TDP1: variants seen among roughly 807,000 people sequenced by gnomAD.
The protein encoded by TDP1 is tyr-DNA phosphodiesterase 1.
TDP1 carries 64 observed loss-of-function variants against 81.5 expected under a neutral mutation model. The observed-to-expected ratio is 0.79, with a 90% CI of 0.64 to 0.97. The LOEUF is 0.97. Among genes scored for constraint, TDP1 ranks in the 50% least tolerant of loss-of-function variants. The pLI, the probability that TDP1 is intolerant of heterozygous loss-of-function variation, is 0.00. For synonymous variants in TDP1, 256 were observed against 264.3 expected, an observed-to-expected ratio of 0.97 and a Z score of 0.30; for missense variants, 723 against 743.8, an observed-to-expected ratio of 0.97 and a Z score of 0.33.
chr14:89,977,265 G>A (rs750518814), intron 7 of TDP1, among the ~76,000 whole-genome samples: 30 of 152,164 alleles, frequency 2.0e-4, no homozygotes, highest in Admixed American at 6.6e-5. Flanking sequence ...GATTGAGCTC[G>A]TGTCTTGAAA....
chr14:89,989,775 G>A lies in TDP1; in HGVS notation c.1366+10G>A, dbSNP rs200295380. On this transcript the variant is annotated intron_variant, in intron 12 of 16. Transcript: ENST00000335725. ...TTAGAAGGATATCCTGGTAATTCTT[G>A]GGGAGACTGTCTTGATTGTGTTTTA... 2.5e-4 allele frequency: 397 copies of A among 1,597,860 alleles called. 1 individual carries two copies. In the East Asian group the frequency reaches 8.4e-3, roughly 34 times the overall value.
chr14:89,975,713 A>G (rs1894229138), intron 6 of TDP1, 68 bp from the exon 7 acceptor site: 4 of 1,358,096 alleles, frequency 2.9e-6, no homozygotes, highest in Admixed American at 3.4e-5. Flanking sequence ...TTGCTTTCTA[A>G]TGTAATTTCC....
chr14:89,997,793 T>G (rs1308846305), intron 14 of TDP1, among the ~76,000 whole-genome samples: 2 of 152,186 alleles, frequency 1.3e-5, no homozygotes, highest in African/African-American at 4.8e-5. Flanking sequence ...TAATTTTTCT[T>G]CTACCTAAGA....
rs1256119587 is a variant in TDP1, at chr14:89,957,255, G to A, written c.-8+455G>A. On this transcript the variant is annotated intron_variant, in intron 2 of 16. Coordinates refer to ENST00000335725, the MANE Select transcript of TDP1 (RefSeq NM_018319.4). The stretch of plus-strand genomic sequence containing the variant: ...CTTGGCTATTAAAATTTTTATGTGT[G>A]GGTCTGTCTCTTCTGCCCTGAAATT... 5 of 152,172 alleles carry A rather than the reference G, an allele frequency of 3.3e-5. 1 individual carries two copies. In the South Asian group the frequency reaches 6.2e-4, roughly 19 times the overall value. 9.4% of individuals were successfully genotyped at this position (152,172 alleles called of 1,614,324 possible). A position where few individuals can be genotyped will look rare whatever the true frequency, so the allele number is the denominator to read the frequency against.
In TDP1 at chr14:89,963,293, T is replaced by C. The variant is rs1892549896; in HGVS notation, c.179T>C (p.Ile60Thr). ...CAGAAAGCTGCACACAAGAGGAAAA[T>C]ATCACCTGTGAAATTCAGCAATACA... is the stretch of plus-strand genomic sequence containing the variant. ...EAQKAAHKRKISPVKFSNTDS... is the reference protein window; with the variant it reads ...EAQKAAHKRKTSPVKFSNTDS... The change falls in exon 3 of 17, where the codon ATA (isoleucine) becomes ACA (threonine). Residue 60 changes from isoleucine (I) to threonine (T), a missense_variant. Transcript: ENST00000335725. 1 of 1,613,866 alleles carries C rather than the reference T, an allele frequency of 6.2e-7. No individual in the cohort carries two copies. The highest frequency in any genetic ancestry group is 8.5e-7 in the Non-Finnish European group (1 of 1,180,018).
At chr14:90,022,846 TGA>T (rs1886237275) in intron 15 of TDP1, 3 of 778,602 alleles carry the variant, frequency 3.9e-6, no homozygotes, top group Non-Finnish European at 4.7e-6. Context: ...GTCGTTTCGC[TGA>T]GTTTATACGT....
At chr14:90,039,439 T>C (rs1042665721) in intron 16 of TDP1, among the ~76,000 whole-genome samples, 2 of 152,110 alleles carry the variant, frequency 1.3e-5, no homozygotes, top group African/African-American at 2.4e-5. Context: ...TTATTCCTGG[T>C]ATAAGAATTA....
intron 4 of TDP1, 52 bp downstream of exon 4, chr14:89,966,242 T>A: frequency 8.6e-7 from 1 of 1,163,480 alleles, no homozygotes; most frequent in Non-Finnish European, 1.3e-6. Context: ...GACAGGTAAT[T>A]AAACAACTCC....
At chr14:90,026,575 A>AG (rs1886681791) in intron 15 of TDP1, among the ~76,000 whole-genome samples, 1 of 152,084 alleles carries the variant, frequency 6.6e-6, no homozygotes, top group African/African-American at 2.4e-5. Flanking sequence ...CTCATCATTT[A>AG]CATTAGGTAT....
intron 11 of TDP1, chr14:89,989,495 G>T: frequency 1.1e-6 from 1 of 895,884 alleles, no homozygotes; most frequent in Non-Finnish European, 1.3e-6. Flanking sequence ...AATTTCAAAG[G>T]AAAAAATACT....
intron 14 of TDP1, among the ~76,000 whole-genome samples, chr14:90,017,724 T>C (rs1885481782): frequency 6.6e-6 from 1 of 152,192 alleles, no homozygotes; most frequent in Non-Finnish European, 1.5e-5. Flanking sequence ...CGTTAGACTT[T>C]CCTCTTCGCC....
intron 15 of TDP1, among the ~76,000 whole-genome samples, chr14:90,031,923 CCTTTGCTTTT>C (rs2140317715): frequency 6.6e-6 from 1 of 152,308 alleles, no homozygotes; most frequent in South Asian, 2.1e-4. Context: ...TTATGGCACT[CCTTTGCTTTT>C]CTTTGCAGCA....
intron 14 of TDP1, among the ~76,000 whole-genome samples, chr14:90,016,533 T>A (rs957010780): frequency 6.6e-6 from 1 of 152,204 alleles, no homozygotes; most frequent in Admixed American, 6.5e-5. Flanking sequence ...AAAAACCACA[T>A]GGGTTTCCAT....
In TDP1 at chr14:89,964,527, C is replaced by G. The variant is rs34031385; in HGVS notation, c.559+854C>G. Among the ~76,000 whole-genome samples, 57 of 152,260 alleles carry G rather than the reference C, an allele frequency of 3.7e-4. No homozygotes were observed. The East Asian group carries it at 0.01, about 28-fold the overall frequency. On this transcript the variant is annotated intron_variant, in intron 3 of 16. Coordinates refer to ENST00000335725, the MANE Select transcript of TDP1 (RefSeq NM_018319.4). ...TATTACCCTTATTTCAGATTTTTTT[C>G]CTGTCCCATATTTAAGAATAGTAAT...
intron 2 of TDP1, among the ~76,000 whole-genome samples, chr14:89,960,697 G>A (rs1174644522): frequency 6.6e-6 from 1 of 152,178 alleles, no homozygotes; most frequent in African/African-American, 2.4e-5. Flanking sequence ...ATGACCCAGA[G>A]CCATGAAGAA....
chr14:89,964,338 T>G (rs1892686976), intron 3 of TDP1, among the ~76,000 whole-genome samples: 1 of 152,264 alleles, frequency 6.6e-6, no homozygotes, highest in African/African-American at 2.4e-5. Context: ...CTCTAGAATC[T>G]GCTTTCTGGC....
intron 8 of TDP1, among the ~76,000 whole-genome samples, chr14:89,981,714 C>T (rs1894994922): frequency 6.6e-6 from 1 of 152,034 alleles, no homozygotes; most frequent in Non-Finnish European, 1.5e-5. Flanking sequence ...TTGAGACGGT[C>T]TCACTCTGTC....
chr14:90,037,175 T>C (rs1376425422), intron 16 of TDP1, among the ~76,000 whole-genome samples: 1 of 152,226 alleles, frequency 6.6e-6, no homozygotes, highest in Non-Finnish European at 1.5e-5. Flanking sequence ...TATTTCCATA[T>C]GTCCCACTTG....
At chr14:89,999,714 T>C (rs1313732092) in intron 14 of TDP1, among the ~76,000 whole-genome samples, 1 of 152,216 alleles carries the variant, frequency 6.6e-6, no homozygotes, top group Non-Finnish European at 1.5e-5. Flanking sequence ...CAAAAAAGTA[T>C]TATGATCACC....
Sources: gnomAD v4.1 joint callset for allele counts (sites outside exome capture counted in the v4.1 genomes callset) on GRCh38, gnomAD v4.1.1 for gene constraint, MANE v1.5 for transcripts, NCBI Gene and HGNC (gene_info 2026-07-23, HGNC 2026-07-21) for gene names.